GDF6: variants seen among roughly 807,000 people sequenced by gnomAD.
GDF6 encodes growth differentiation factor 6.
GDF6 carries 3 observed loss-of-function variants against 32.4 expected under a neutral mutation model. The observed-to-expected ratio is 0.09, with a 90% CI of 0.04 to 0.24. GDF6 has a LOEUF of 0.24. Among genes scored for constraint, GDF6 ranks in the 10% least tolerant of loss-of-function variants. GDF6 has a pLI of 1.00. For missense variants in GDF6, 589 were observed against 637.9 expected (o/e 0.92, Z 0.83); for synonymous variants, 296 against 295.3 (o/e 1.00, Z -0.03).
At chr8:96,159,851 A>G (rs1386482973) in intron 1 of GDF6, among the ~76,000 whole-genome samples, 1 of 152,192 alleles carries the variant, frequency 6.6e-6, no homozygotes, top group African/African-American at 2.4e-5. Context: ...GGGCTTTCCA[A>G]GGCTGTCTCA....
intron 1 of GDF6, among the ~76,000 whole-genome samples, chr8:96,156,426 C>G (rs1049839124): frequency 6.6e-6 from 1 of 151,236 alleles, no homozygotes; most frequent in African/African-American, 2.4e-5. Context: ...CTCTCTCTCT[C>G]TGTCTCTCTC....
rs769886732 is a variant in GDF6 at position 96,144,663 on chromosome 8, G to A, written c.1268C>T (p.Thr423Ile). Reference sequence around the variant, plus strand: ...TAGAATGCTGATGGGAGTCAATTTGGTGGGCACGCAGCAGCTGGGCGGGGT... The same window carrying A: ...TAGAATGCTGATGGGAGTCAATTTGATGGGCACGCAGCAGCTGGGCGGGGT... ...GSTPPSCCVPTKLTPISILYI... is the reference protein window; with the variant it reads ...GSTPPSCCVPIKLTPISILYI... The change falls in exon 2 of 2, where the codon ACC (threonine) becomes ATC (isoleucine). Residue 423 changes from threonine to isoleucine, a missense_variant. By Grantham distance (89) the Thr-to-Ile change is moderately conservative. Around this residue, in one of 2 missense-constraint regions of GDF6, gnomAD observed 153 missense variants for 226.7 expected, o/e 0.67. Transcript: ENST00000287020. This position sits in a 1 kb window ranked among gnomAD's most constrained non-coding sequence, Gnocchi z 5.1. The A allele has an allele frequency of 6.2e-7, 1 of 1,614,134 alleles. No homozygotes were observed. Among genetic ancestry groups the A allele is most frequent in the African/African-American group, 1.3e-5 (1 of 75,042 alleles).
intron 1 of GDF6, among the ~76,000 whole-genome samples, chr8:96,151,775 TTAAAGTC>T: frequency 6.6e-6 from 1 of 152,270 alleles, no homozygotes; most frequent in Middle Eastern, 3.4e-3. Context: ...GCATAGGAAT[TTAAAGTC>T]TAAGAGACAT....
intron 1 of GDF6, among the ~76,000 whole-genome samples, chr8:96,154,258 G>C (rs1374056076): frequency 5.3e-5 from 8 of 152,028 alleles, no homozygotes; most frequent in African/African-American, 1.4e-4. Context: ...CCAGGCGCCG[G>C]GGCCACTAGC....
At position 96,145,061 on chromosome 8, in the gene GDF6, G is replaced by A. The variant is rs765928590; in HGVS notation, c.870C>T (p.Phe290=). ...AGCCCAGCTGCTCGCGCATCTCTGC[G>A]AACAGGTTCTTGCGCTGGGATCTGG... ...VFTRSQRKNL[F]AEMREQLGSA... Residue 290 remains phenylalanine, a synonymous_variant, in exon 2 of 2, where the codon TTC becomes TTT. Coordinates refer to ENST00000287020, the MANE Select transcript of GDF6 (RefSeq NM_001001557.4). The surrounding 1 kb of genome is among the most constrained non-coding windows in gnomAD (Gnocchi z 5.6). The A allele has an allele frequency of 1.0e-4, 150 of 1,499,938 alleles. 1 individual carries two copies. In the Middle Eastern group the frequency reaches 2.8e-3, roughly 28 times the overall value. The allele number at this position is 1,499,938 out of a possible 1,614,324, so 92.9% of individuals were successfully genotyped here.
Position 96,143,180 on chromosome 8 carries a change from A to G in GDF6, c.*1383T>C, listed in dbSNP as rs1028562791. On this transcript the variant is annotated 3_prime_UTR_variant, in exon 2 of 2. Coordinates refer to ENST00000287020, the MANE Select transcript of GDF6 (RefSeq NM_001001557.4). Reference sequence around the variant, plus strand: ...TTCCCCATCTCCCACCCCAAGCTCAATGTAACACTTGGCTCTTTTCACAGT... The same window carrying G: ...TTCCCCATCTCCCACCCCAAGCTCAGTGTAACACTTGGCTCTTTTCACAGT... 5 of 152,422 alleles carry G rather than the reference A, an allele frequency of 3.3e-5. No individual in the cohort carries two copies. The highest frequency in any genetic ancestry group is 4.8e-5 in the African/African-American group (2 of 41,430). The allele number at this position is 152,422 out of a possible 1,614,324, so 9.4% of individuals were successfully genotyped here.
intron 1 of GDF6, 65 bp downstream of exon 1, chr8:96,160,222 G>C: frequency 6.6e-7 from 1 of 1,518,536 alleles, no homozygotes; most frequent in Non-Finnish European, 9.1e-7. Context: ...AGCCTCCAGC[G>C]GGAACAGCTC....
At chr8:96,152,894 T>C (rs1812591850) in intron 1 of GDF6, among the ~76,000 whole-genome samples, 1 of 152,102 alleles carries the variant, frequency 6.6e-6, no homozygotes, top group Non-Finnish European at 1.5e-5. Context: ...ACAAGTTAAG[T>C]GGGTCTAGTG....
At chr8:96,159,130 G>A (rs1308943374) in intron 1 of GDF6, among the ~76,000 whole-genome samples, 1 of 152,216 alleles carries the variant, frequency 6.6e-6, no homozygotes, top group African/African-American at 2.4e-5. Context: ...ACTGGGAGCA[G>A]GTCAAAGTCA....
intron 1 of GDF6, among the ~76,000 whole-genome samples, chr8:96,155,489 T>C (rs1029333512): frequency 1.3e-5 from 2 of 152,182 alleles, no homozygotes; most frequent in Non-Finnish European, 2.9e-5. Context: ...TTCTTTCCCT[T>C]ACCCCCAGGC....
Position 96,144,890 on chromosome 8 carries a change from G to C in GDF6, c.1041C>G (p.Gly347=). 6.2e-7 allele frequency: 1 copy of C among 1,613,248 alleles called. No homozygotes were observed. The highest frequency in any genetic ancestry group is 8.5e-7 in the Non-Finnish European group (1 of 1,179,716). Residue 347 remains glycine, a synonymous_variant, in exon 2 of 2, where the codon GGC becomes GGG. Transcript: ENST00000287020. The surrounding 1 kb of genome is among the most constrained non-coding windows in gnomAD (Gnocchi z 5.1). ...AFASRHGKRH[G]KKSRLRCSKK... ...TGCTGCAGCGTAGCCTGGACTTCTT[G>C]CCGTGCCGCTTGCCATGGCGACTGG...
rs1812436715 is a variant in GDF6, at chr8:96,144,583, C to T, written c.1348G>A (p.Glu450Lys). ...CACCGCTACCTGCAGCCGCACGACT[C>T]CACCACCATGTCCTCGTACTGCTTG... is the stretch of plus-strand genomic sequence containing the variant. ...VYKQYEDMVV[E>K]SCGCR Residue 450 changes from glutamate to lysine, a missense_variant, in exon 2 of 2, where the codon GAG becomes AAG. Glu to Lys is a moderately conservative substitution (Grantham distance 56). Coordinates refer to ENST00000287020, the MANE Select transcript of GDF6 (RefSeq NM_001001557.4). The surrounding 1 kb of genome is among the most constrained non-coding windows in gnomAD (Gnocchi z 5.1). 2 of 1,613,950 alleles carry T rather than the reference C, an allele frequency of 1.2e-6. No individual in the cohort carries two copies. The highest frequency in any genetic ancestry group is 1.7e-6 in the Non-Finnish European group (2 of 1,179,962).
At chr8:96,160,241 C>A in intron 1 of GDF6, 46 bp downstream of exon 1, 6 of 1,602,976 alleles carry the variant, frequency 3.7e-6, no homozygotes, top group Non-Finnish European at 5.1e-6. Flanking sequence ...TCCCTGGCTG[C>A]CGAGCTCCAG....
At chr8:96,151,371 C>G (rs1173426089) in intron 1 of GDF6, among the ~76,000 whole-genome samples, 1 of 152,216 alleles carries the variant, frequency 6.6e-6, no homozygotes, top group Non-Finnish European at 1.5e-5. Context: ...ATTCTCAAAA[C>G]CACTTCTGAG....
At chr8:96,160,075 A>AG (rs537215369) in intron 1 of GDF6, among the ~76,000 whole-genome samples, 49 of 152,312 alleles carry the variant, frequency 3.2e-4, no homozygotes, top group African/African-American at 1.1e-3. Context: ...AGAGAAAGAA[A>AG]GGGGGGGAAA....
At chr8:96,152,044 C>T (rs1442011170) in intron 1 of GDF6, among the ~76,000 whole-genome samples, 4 of 152,360 alleles carry the variant, frequency 2.6e-5, no homozygotes, top group Non-Finnish European at 4.4e-5. Context: ...CTTCTCTTGA[C>T]TTCCTTTGAA....
intron 1 of GDF6, among the ~76,000 whole-genome samples, chr8:96,152,588 T>C (rs761016702): frequency 6.6e-5 from 10 of 152,316 alleles, no homozygotes; most frequent in Admixed American, 1.3e-4. Context: ...GGAGGGCCCC[T>C]TGGGCTGCAG....
rs1222197784 is a variant in GDF6, at chr8:96,143,351, T to C, written c.*1212A>G. The C allele has an allele frequency of 6.6e-6, 1 of 152,630 alleles. No individual in the cohort carries two copies. Among genetic ancestry groups the C allele is most frequent in the African/African-American group, 2.4e-5 (1 of 41,448 alleles). 9.5% of individuals were successfully genotyped at this position (152,630 alleles called of 1,614,324 possible). Reference sequence around the variant, plus strand: ...AGGGAACTCAGATTTTAAAGAAACTTCAGAGACAGGGACTTGTGTCCCCTT... The same window carrying C: ...AGGGAACTCAGATTTTAAAGAAACTCCAGAGACAGGGACTTGTGTCCCCTT... On this transcript the variant is annotated 3_prime_UTR_variant, in exon 2 of 2. Transcript: ENST00000287020.
Position 96,157,219 on chromosome 8 carries a change from C to CTT in GDF6, c.406+3066_406+3067dup, listed in dbSNP as rs557920665. ...GACCTGTTTTAGGTTTGTTTGGTTT[C>CTT]TTTTTTTTTTCCCCAATAAGTTCTC... On this transcript the variant is annotated intron_variant, in intron 1 of 1. Transcript: ENST00000287020. Among the ~76,000 whole-genome samples the CTT allele has an allele frequency of 1.5e-3, 228 of 150,170 alleles. 1 individual carries two copies. The highest frequency in any genetic ancestry group is 5.1e-3 in the African/African-American group (210 of 41,222).
Sources: allele counts gnomAD v4.1 joint callset (sites outside exome capture counted in the v4.1 genomes callset), GRCh38; gene constraint gnomAD v4.1.1; regional missense constraint gnomAD v4.1.1; non-coding constraint Gnocchi (gnomAD v3.1); transcripts MANE v1.5; gene names NCBI Gene and HGNC (gene_info 2026-07-23, HGNC 2026-07-21).